SLC39A11: variants seen among roughly 807,000 people sequenced by gnomAD.
SLC39A11 encodes the protein solute carrier family 39 member 11, also known as zinc transporter ZIP11.
A neutral mutation model predicts 36.1 loss-of-function variants in SLC39A11; 33 were observed. The ratio of observed to expected loss-of-function variants is 0.91; its 90% CI spans 0.69 to 1.22. The LOEUF (loss-of-function observed/expected upper bound fraction) is 1.22. Ranked by LOEUF, SLC39A11 falls within the 50% of genes most tolerant of loss-of-function variation. The pLI is 0.00. For missense variants in SLC39A11, 432 were observed against 430.3 expected (o/e 1.00, Z -0.03); for synonymous variants, 166 against 170.3 (o/e 0.97, Z 0.20).
In SLC39A11 at chr17:72,902,659, T is replaced by C. The variant is rs1407481919; in HGVS notation, c.430+45093A>G. Among the ~76,000 whole-genome samples, 4 of 152,136 alleles carry C rather than the reference T, an allele frequency of 2.6e-5. No individual in the cohort carries two copies. In the East Asian group the frequency reaches 7.7e-4, roughly 29 times the overall value. ...TCCATACCAGCATGCCAAGAGCAAA[T>C]ATCTATAGATAGAATAACCGGACAT... On this transcript the variant is annotated intron_variant, in intron 5 of 9. Transcript: ENST00000255559.
intron 4 of SLC39A11, among the ~76,000 whole-genome samples, chr17:73,026,056 C>T (rs762948557): frequency 4.0e-5 from 6 of 150,308 alleles, no homozygotes; most frequent in East Asian, 4.0e-4. Context: ...AGGCGGAGGT[C>T]GCAATGAGCC....
intron 5 of SLC39A11, among the ~76,000 whole-genome samples, chr17:72,860,857 A>G (rs1482596251): frequency 6.6e-6 from 1 of 152,104 alleles, no homozygotes; most frequent in Non-Finnish European, 1.5e-5. Context: ...CTGGTTATGC[A>G]TCTTTGGGGA....
At chr17:72,931,375 G>C (rs1472989880) in intron 5 of SLC39A11, among the ~76,000 whole-genome samples, 7 of 152,188 alleles carry the variant, frequency 4.6e-5, no homozygotes. Flanking sequence ...AGCTGAGTGA[G>C]CCCAGCCAAG....
chr17:72,685,543 C>T (rs1049986806), intron 7 of SLC39A11, among the ~76,000 whole-genome samples: 2 of 128,450 alleles, frequency 1.6e-5, no homozygotes, highest in Non-Finnish European at 3.3e-5. Flanking sequence ...CAATAAGCCC[C>T]AAAAGGATTC....
intron 6 of SLC39A11, among the ~76,000 whole-genome samples, chr17:72,776,252 A>G (rs972465946): frequency 1.3e-5 from 2 of 152,202 alleles, no homozygotes; most frequent in Non-Finnish European, 2.9e-5. Context: ...CCATGACGGC[A>G]CTCAATGCTT....
At chr17:72,983,825 T>G (rs34482622) in intron 4 of SLC39A11, among the ~76,000 whole-genome samples, 79,626 of 151,904 alleles carry the variant, frequency 0.52, 21,840 homozygotes, top group Middle Eastern at 0.7. Flanking sequence ...AAAAGAGGGG[T>G]TGCTGAGAGC....
intron 2 of SLC39A11, among the ~76,000 whole-genome samples, chr17:73,085,932 A>G (rs771277931): frequency 6.6e-6 from 1 of 152,240 alleles, no homozygotes; most frequent in African/African-American, 2.4e-5. Context: ...ACGCACACAC[A>G]TACTACAGTT....
At chr17:73,047,493 T>C (rs1269489536) in intron 3 of SLC39A11, among the ~76,000 whole-genome samples, 2 of 152,132 alleles carry the variant, frequency 1.3e-5, no homozygotes, top group Admixed American at 6.6e-5. Context: ...AAATAACATT[T>C]ACATACAGAG....
chr17:72,675,089 A>T (rs2071197963), intron 7 of SLC39A11, among the ~76,000 whole-genome samples: 2 of 152,104 alleles, frequency 1.3e-5, no homozygotes. Context: ...ACAAAGAGCT[A>T]GTTGTCAACA....
chr17:72,893,244 C>T (rs970896462), intron 5 of SLC39A11, among the ~76,000 whole-genome samples: 2 of 152,118 alleles, frequency 1.3e-5, no homozygotes, highest in Non-Finnish European at 2.9e-5. Flanking sequence ...AGGCAGATTG[C>T]GAGGTCAAGA....
intron 6 of SLC39A11, among the ~76,000 whole-genome samples, chr17:72,825,097 C>A (rs570856714): frequency 6.6e-6 from 1 of 151,244 alleles, no homozygotes; most frequent in African/African-American, 2.4e-5. Flanking sequence ...ATTTCAGAGA[C>A]CTTTGTGGAA....
intron 4 of SLC39A11, among the ~76,000 whole-genome samples, chr17:72,990,443 A>G (rs2089085107): frequency 6.6e-6 from 1 of 152,170 alleles, no homozygotes; most frequent in Non-Finnish European, 1.5e-5. Flanking sequence ...TTCAAGATGG[A>G]GTCTCCCTCT....
chr17:72,750,819 CA>C (rs2075127660), intron 6 of SLC39A11, among the ~76,000 whole-genome samples: 1 of 152,120 alleles, frequency 6.6e-6, no homozygotes, highest in South Asian at 2.1e-4. Flanking sequence ...TTACACATCC[CA>C]GTTCAGCAAT....
intron 5 of SLC39A11, among the ~76,000 whole-genome samples, chr17:72,865,209 C>G (rs957430619): frequency 1.3e-5 from 2 of 152,030 alleles, no homozygotes; most frequent in African/African-American, 4.8e-5. Context: ...GAACAGGGGC[C>G]TGGGTGTTAC....
At chr17:72,899,457 A>G (rs1337895844) in intron 5 of SLC39A11, among the ~76,000 whole-genome samples, 1 of 152,180 alleles carries the variant, frequency 6.6e-6, no homozygotes, top group South Asian at 2.1e-4. Flanking sequence ...TGGGGAGCGA[A>G]GGAATCTTAT....
At chr17:72,838,053 G>A in intron 6 of SLC39A11, 2 of 1,150,814 alleles carry the variant, frequency 1.7e-6, no homozygotes, top group Admixed American at 4.2e-5. Flanking sequence ...GGAGGCTGAA[G>A]CAGGAGGTTC....
intron 7 of SLC39A11, among the ~76,000 whole-genome samples, chr17:72,679,276 G>A (rs752927954): frequency 6.6e-6 from 1 of 152,210 alleles, no homozygotes; most frequent in Non-Finnish European, 1.5e-5. Context: ...GAGAAGAATT[G>A]TAATGTTCCC....
At chr17:72,888,498 T>C (rs1406736335) in intron 5 of SLC39A11, among the ~76,000 whole-genome samples, 1 of 152,210 alleles carries the variant, frequency 6.6e-6, no homozygotes, top group Non-Finnish European at 1.5e-5. Context: ...ACCTCTTCCC[T>C]GACCTAAATA....
intron 4 of SLC39A11, among the ~76,000 whole-genome samples, chr17:73,027,377 T>G (rs1283845521): frequency 6.6e-6 from 1 of 152,144 alleles, no homozygotes; most frequent in African/African-American, 2.4e-5. Context: ...GTCCACCCCC[T>G]TTTTTTCTCC....
Sources: allele counts gnomAD v4.1 joint callset (sites outside exome capture counted in the v4.1 genomes callset), GRCh38; gene constraint gnomAD v4.1.1; transcripts MANE v1.5; gene names NCBI Gene and HGNC (gene_info 2026-07-23, HGNC 2026-07-21).